The following RPS6KC1 variants were observed in gnomAD, a reference collection of about 807,000 sequenced individuals.
RPS6KC1 encodes the protein inactive ribosomal protein S6 kinase delta-1.
Under a neutral mutation model 103.8 loss-of-function variants are expected in RPS6KC1, and 54 were observed. That is an observed-to-expected ratio of 0.52 (90% CI 0.42 to 0.65). The LOEUF (loss-of-function observed/expected upper bound fraction) is 0.65, where lower values mean the gene tolerates loss of function less well. Among genes scored for constraint, RPS6KC1 ranks in the 30% least tolerant of loss-of-function variants. The pLI is 0.00. For synonymous variants in RPS6KC1, 439 were observed against 438.7 expected (o/e 1.00, Z -0.01); for missense variants, 1,151 against 1,253.8 (o/e 0.92, Z 1.24).
chr1:213,773,472 CAT>C, the RPS6KC1 span, among the ~76,000 whole-genome samples: 1 of 147,174 alleles, frequency 6.8e-6, no homozygotes, highest in Non-Finnish European at 1.5e-5. Context: ...ATCTATATAT[CAT>C]ATATCGATAT....
the RPS6KC1 span, among the ~76,000 whole-genome samples, chr1:213,401,080 G>A: frequency 6.6e-6 from 1 of 152,256 alleles, no homozygotes; most frequent in African/African-American, 2.4e-5. Flanking sequence ...AGTGGGCTGA[G>A]GGTTGGGTCC....
At chr1:213,615,955 G>A in the RPS6KC1 span, among the ~76,000 whole-genome samples, 1 of 152,228 alleles carries the variant, frequency 6.6e-6, no homozygotes, top group African/African-American at 2.4e-5. Flanking sequence ...CTAAAAGGAA[G>A]GCCAGCCAGT....
chr1:213,177,252 C>T (rs1558481684), intron 8 of RPS6KC1, among the ~76,000 whole-genome samples: 1 of 152,152 alleles, frequency 6.6e-6, no homozygotes, highest in South Asian at 2.1e-4. Flanking sequence ...CCACAGACAA[C>T]AAACCATGTT....
chr1:213,088,092 T>C (rs1403360763), intron 3 of RPS6KC1, among the ~76,000 whole-genome samples: 1 of 152,174 alleles, frequency 6.6e-6, no homozygotes, highest in Non-Finnish European at 1.5e-5. Flanking sequence ...CATGACTGTG[T>C]GCTCACCTGT....
At chr1:213,125,552 G>A (rs1277389843) in intron 5 of RPS6KC1, among the ~76,000 whole-genome samples, 1 of 151,506 alleles carries the variant, frequency 6.6e-6, no homozygotes, top group Non-Finnish European at 1.5e-5. Flanking sequence ...CCTCTAAAAA[G>A]GTTAAAGTAG....
At chr1:213,660,594 A>G in the RPS6KC1 span, among the ~76,000 whole-genome samples, 1 of 152,266 alleles carries the variant, frequency 6.6e-6, no homozygotes, top group African/African-American at 2.4e-5. Context: ...TAAAGAGCCT[A>G]GCAACACAGA....
At chr1:213,363,804 T>TC in the RPS6KC1 span, among the ~76,000 whole-genome samples, 3 of 107,636 alleles carry the variant, frequency 2.8e-5, no homozygotes, top group Admixed American at 8.8e-5. Flanking sequence ...CTTTCTTTCT[T>TC]TCTTTCTTTC....
chr1:213,834,723 C>T, the RPS6KC1 span, among the ~76,000 whole-genome samples: 4,052 of 152,208 alleles, frequency 0.027, 84 homozygotes, highest in Middle Eastern at 0.092. Context: ...CACACACACA[C>T]ACACACCCCA....
the RPS6KC1 span, among the ~76,000 whole-genome samples, chr1:213,716,647 G>A: frequency 6.6e-6 from 1 of 152,026 alleles, no homozygotes; most frequent in African/African-American, 2.4e-5. Context: ...CTCATAATTT[G>A]TACTTCTCTT....
intron 6 of RPS6KC1, among the ~76,000 whole-genome samples, chr1:213,152,499 C>A (rs903462195): frequency 1.3e-5 from 2 of 149,788 alleles, no homozygotes; most frequent in African/African-American, 4.9e-5. Context: ...GGCTGCCGGG[C>A]GGAGGGGCTC....
At chr1:213,862,034 C>T in the RPS6KC1 span, among the ~76,000 whole-genome samples, 1 of 152,080 alleles carries the variant, frequency 6.6e-6, no homozygotes, top group Admixed American at 6.5e-5. Context: ...GGCTAGAAAG[C>T]GGGGGGCAGG....
chr1:213,449,435 T>A, the RPS6KC1 span, among the ~76,000 whole-genome samples: 2 of 152,322 alleles, frequency 1.3e-5, no homozygotes, highest in South Asian at 4.1e-4. Context: ...TCTCTGTGGC[T>A]TGCAGAGGCT....
the RPS6KC1 span, among the ~76,000 whole-genome samples, chr1:213,524,527 G>A: frequency 1.3e-5 from 2 of 152,176 alleles, no homozygotes; most frequent in African/African-American, 2.4e-5. Context: ...TTCATCTAAA[G>A]CCCTTGGAAC....
chr1:213,521,684 ACAAT>A, the RPS6KC1 span, among the ~76,000 whole-genome samples: 4 of 152,204 alleles, frequency 2.6e-5, no homozygotes, highest in African/African-American at 9.7e-5. Flanking sequence ...TGTTATTTCA[ACAAT>A]GTTCACACCA....
At chr1:213,854,236 C>G in the RPS6KC1 span, among the ~76,000 whole-genome samples, 1 of 152,204 alleles carries the variant, frequency 6.6e-6, no homozygotes, top group Admixed American at 6.5e-5. Context: ...ACTGGATTCC[C>G]CACGAATCTC....
intron 3 of RPS6KC1, among the ~76,000 whole-genome samples, chr1:213,101,957 C>T (rs117124398): frequency 6.6e-6 from 1 of 152,004 alleles, no homozygotes; most frequent in East Asian, 1.9e-4. Context: ...TTGGTTTTAC[C>T]TATTGGGGTT....
chr1:213,684,573 G>A, the RPS6KC1 span, among the ~76,000 whole-genome samples: 1 of 152,132 alleles, frequency 6.6e-6, no homozygotes, highest in African/African-American at 2.4e-5. Flanking sequence ...TTGAGGAACT[G>A]TCCCCATGCC....
At chr1:213,755,279 A>G in the RPS6KC1 span, among the ~76,000 whole-genome samples, 1 of 152,126 alleles carries the variant, frequency 6.6e-6, no homozygotes, top group Non-Finnish European at 1.5e-5. Context: ...TTTTGCACCA[A>G]CCTAATGCAA....
chr1:213,404,525 A>G, the RPS6KC1 span, among the ~76,000 whole-genome samples: 38 of 152,124 alleles, frequency 2.5e-4, no homozygotes, highest in African/African-American at 8.9e-4. Flanking sequence ...CATTTAGTGA[A>G]TCCATGCTAC....
Sources: gnomAD v4.1 joint callset for allele counts (sites outside exome capture counted in the v4.1 genomes callset) on GRCh38, gnomAD v4.1.1 for gene constraint, MANE v1.5 for transcripts, NCBI Gene and HGNC (gene_info 2026-07-23, HGNC 2026-07-21) for gene names.